The following TBC1D14 variants were observed in gnomAD, a reference collection of about 807,000 sequenced individuals.
The protein encoded by TBC1D14 is TBC1 domain family member 14.
Under a neutral mutation model 79.0 loss-of-function variants are expected in TBC1D14, and 26 were observed. The observed-to-expected ratio is 0.33, with a 90% CI of 0.24 to 0.46. The LOEUF (loss-of-function observed/expected upper bound fraction) is 0.46, where lower values mean the gene tolerates loss of function less well. Ranked by LOEUF, TBC1D14 falls within the 20% of genes least tolerant of loss-of-function variation. The pLI is 1.00. For missense variants in TBC1D14, 769 were observed against 887.6 expected, an observed-to-expected ratio of 0.87 and a Z score of 1.70; for synonymous variants, 394 against 349.9, an observed-to-expected ratio of 1.13 and a Z score of -1.40.
chr4:6,936,926 T>G (rs1427537498), intron 2 of TBC1D14, among the ~76,000 whole-genome samples: 4 of 152,208 alleles, frequency 2.6e-5, no homozygotes, highest in Non-Finnish European at 1.5e-5. Flanking sequence ...ACTTACTTAT[T>G]TATTTTTTGA....
In TBC1D14 at chr4:7,016,273, A is replaced by T. The variant is rs1038289435; in HGVS notation, c.1757+1716A>T. ...GGGGCCGTGAGTGGCGCTGGCGGGG[A>T]TGCTGGGCTGGCCTGCCTGGCTATA... On this transcript the variant is annotated intron_variant, in intron 12 of 13. Transcript: ENST00000409757. Among the ~76,000 whole-genome samples, 4 of 152,154 alleles carry T rather than the reference A, an allele frequency of 2.6e-5. No individual in the cohort carries two copies. The East Asian group carries it at 7.7e-4, about 29-fold the overall frequency.
chr4:6,927,937 G>GT (rs1194926366), intron 2 of TBC1D14, among the ~76,000 whole-genome samples: 1 of 152,014 alleles, frequency 6.6e-6, no homozygotes, highest in Non-Finnish European at 1.5e-5. Context: ...TAGATTAACA[G>GT]TATTTATTTA....
At chr4:6,932,928 A>G (rs4689562) in intron 2 of TBC1D14, among the ~76,000 whole-genome samples, 90,106 of 151,926 alleles carry the variant, frequency 0.59, 27,062 homozygotes, top group East Asian at 0.67. Context: ...ATGAAACAGC[A>G]TGTTGGCGGC....
chr4:6,942,410 C>A lies in TBC1D14; in HGVS notation c.722+18299C>A, dbSNP rs149751762. Among the ~76,000 whole-genome samples, 351 of 152,258 alleles carry A rather than the reference C, an allele frequency of 2.3e-3. 3 individuals carry two copies. The highest frequency in any genetic ancestry group is 8.0e-3 in the African/African-American group (332 of 41,548). On this transcript the variant is annotated intron_variant, in intron 2 of 13. Coordinates refer to ENST00000409757, the MANE Select transcript of TBC1D14 (RefSeq NM_020773.3). ...ATAGCTGTGGTTTATCTCAAGAATC[C>A]TGTAAGATTCTGTATATGGAAGAAT... is the stretch of plus-strand genomic sequence containing the variant.
At chr4:6,973,185 C>T (rs997709785) in intron 3 of TBC1D14, among the ~76,000 whole-genome samples, 1 of 152,164 alleles carries the variant, frequency 6.6e-6, no homozygotes, top group African/African-American at 2.4e-5. Context: ...TCTTGGGCGG[C>T]CTTCTGGAAT....
At chr4:6,988,681 A>C (rs1718136954) in intron 3 of TBC1D14, among the ~76,000 whole-genome samples, 1 of 152,196 alleles carries the variant, frequency 6.6e-6, no homozygotes, top group Non-Finnish European at 1.5e-5. Flanking sequence ...TAAGCACAGG[A>C]TTTGACTGAT....
In TBC1D14 at chr4:7,014,531, A is replaced by T. The variant is rs1240130918; in HGVS notation, c.1731A>T (p.Leu577=). ...TTGCGCATTTCAAGAAGAACAACCT[A>T]ACTCCAGATATCTACCTAATTGATT... The part of the protein sequence containing the change: ...KLFAHFKKNN[L]TPDIYLIDWI... The change falls in exon 12 of 14, where the codon CTA becomes CTT. Residue 577 remains leucine, a synonymous_variant. Transcript: ENST00000409757. 6.2e-7 allele frequency: 1 copy of T among 1,613,046 alleles called. No individual in the cohort carries two copies. The highest frequency in any genetic ancestry group is 8.5e-7 in the Non-Finnish European group (1 of 1,179,224).
intron 3 of TBC1D14, among the ~76,000 whole-genome samples, chr4:6,978,177 C>T (rs1255771924): frequency 4.6e-5 from 7 of 151,232 alleles, no homozygotes; most frequent in Admixed American, 3.3e-4. Flanking sequence ...GCGCCTCTGC[C>T]CGGCCGCCCC....
intron 2 of TBC1D14, among the ~76,000 whole-genome samples, chr4:6,952,742 G>A (rs1348351090): frequency 6.6e-6 from 1 of 152,196 alleles, no homozygotes; most frequent in Non-Finnish European, 1.5e-5. Flanking sequence ...GCTTGAGGAG[G>A]ATGATTCTGC....
At chr4:6,933,818 C>T (rs548959858) in intron 2 of TBC1D14, among the ~76,000 whole-genome samples, 10 of 152,222 alleles carry the variant, frequency 6.6e-5, no homozygotes, top group African/African-American at 1.2e-4. Flanking sequence ...AGGAGGCTTC[C>T]GGGCAGGGGA....
At chr4:6,939,717 C>T (rs1422245663) in intron 2 of TBC1D14, among the ~76,000 whole-genome samples, 1 of 114,342 alleles carries the variant, frequency 8.7e-6, no homozygotes, top group Non-Finnish European at 1.7e-5. Context: ...GCTGTGAGTC[C>T]TGTGGCAGAG....
At chr4:6,964,905 T>C (rs1366817178) in intron 2 of TBC1D14, among the ~76,000 whole-genome samples, 8 of 152,236 alleles carry the variant, frequency 5.3e-5, no homozygotes, top group Admixed American at 5.2e-4. Flanking sequence ...ACCAACTGTG[T>C]GCATTTGGCT....
At chr4:7,005,840 ATACTGGCTTATAGAGGAGC>A in intron 8 of TBC1D14, among the ~76,000 whole-genome samples, 1 of 152,322 alleles carries the variant, frequency 6.6e-6, no homozygotes, top group East Asian at 1.9e-4. Flanking sequence ...GATTAGTTGA[ATACTGGCTTATAGAGGAGC>A]TCAGATTTAC....
At chr4:7,000,257 T>C (rs2065084073) in intron 6 of TBC1D14, among the ~76,000 whole-genome samples, 1 of 152,116 alleles carries the variant, frequency 6.6e-6, no homozygotes, top group Admixed American at 6.5e-5. Flanking sequence ...GTGGGTTGGA[T>C]GTGGTCTGAA....
At chr4:6,939,576 G>A (rs1282227440) in intron 2 of TBC1D14, among the ~76,000 whole-genome samples, 1 of 152,106 alleles carries the variant, frequency 6.6e-6, no homozygotes, top group Admixed American at 6.5e-5. Flanking sequence ...GGATGTAGTG[G>A]TCAGCATACC....
intron 7 of TBC1D14, among the ~76,000 whole-genome samples, chr4:7,002,954 G>T (rs748799866): frequency 5.3e-5 from 8 of 152,194 alleles, no homozygotes; most frequent in Non-Finnish European, 1.0e-4. Flanking sequence ...TCTCTGGCTC[G>T]TGTGTGTGGG....
At chr4:7,011,348 G>A (rs951149815) in intron 11 of TBC1D14, among the ~76,000 whole-genome samples, 1 of 142,816 alleles carries the variant, frequency 7.0e-6, no homozygotes, top group Admixed American at 7.0e-5. Context: ...ACAGTGGGGG[G>A]TAGGGTTTAC....
intron 3 of TBC1D14, among the ~76,000 whole-genome samples, chr4:6,978,738 T>TAAAAAAA (rs59534721): frequency 3.6e-4 from 39 of 108,326 alleles, no homozygotes; most frequent in South Asian, 8.9e-4. Context: ...AATGATCAAT[T>TAAAAAAA]AAAAAAAAAA....
intron 11 of TBC1D14, among the ~76,000 whole-genome samples, chr4:7,012,242 C>CA (rs1438104107): frequency 6.7e-6 from 1 of 149,360 alleles, no homozygotes; most frequent in Non-Finnish European, 1.5e-5. Flanking sequence ...GCAGAGCTTG[C>CA]AGTGAGCCGA....
Sources: allele counts gnomAD v4.1 joint callset (sites outside exome capture counted in the v4.1 genomes callset), GRCh38; gene constraint gnomAD v4.1.1; transcripts MANE v1.5; gene names NCBI Gene and HGNC (gene_info 2026-07-23, HGNC 2026-07-21).